The following RAD51B variants were observed in gnomAD, a reference collection of about 807,000 sequenced individuals.
RAD51B encodes DNA repair protein RAD51 homolog 2.
RAD51B carries 38 observed loss-of-function variants against 42.2 expected under a neutral mutation model. The ratio of observed to expected loss-of-function variants is 0.90; its 90% CI spans 0.70 to 1.18. The LOEUF is 1.18. Among genes scored for constraint, RAD51B ranks in the 50% most tolerant of loss-of-function variants. The pLI, the probability that RAD51B is intolerant of heterozygous loss-of-function variation, is 0.00. For synonymous variants in RAD51B, 154 were observed against 145.2 expected, an observed-to-expected ratio of 1.06 and a Z score of -0.43; for missense variants, 373 against 400.7, an observed-to-expected ratio of 0.93 and a Z score of 0.59.
intron 7 of RAD51B, among the ~76,000 whole-genome samples, chr14:68,188,491 G>A (rs1331418505): frequency 6.6e-6 from 1 of 151,904 alleles, no homozygotes; most frequent in Non-Finnish European, 1.5e-5. Context: ...AGAAGCAGTT[G>A]CTATAGGCAA....
intron 7 of RAD51B, among the ~76,000 whole-genome samples, chr14:67,947,109 A>G (rs1174817415): frequency 3.3e-5 from 5 of 152,184 alleles, no homozygotes; most frequent in Non-Finnish European, 7.4e-5. Flanking sequence ...TGTGCCCTGA[A>G]CTTAACACGT....
chr14:67,883,580 C>G (rs145422917), intron 5 of RAD51B, among the ~76,000 whole-genome samples: 3 of 152,094 alleles, frequency 2.0e-5, no homozygotes, highest in East Asian at 3.8e-4. Flanking sequence ...AGCTTTTGCT[C>G]AAATGTCACC....
At chr14:68,381,862 C>T (rs971441019) in intron 8 of RAD51B, among the ~76,000 whole-genome samples, 4 of 152,202 alleles carry the variant, frequency 2.6e-5, no homozygotes, top group African/African-American at 7.2e-5. Flanking sequence ...AGCTTCTGCT[C>T]AGTTTCTGTC....
rs117407085 is a variant in RAD51B, at chr14:67,905,791, T to G, written c.756+18587T>G. Among the ~76,000 whole-genome samples the G allele has an allele frequency of 2.6e-3, 402 of 152,272 alleles. 10 individuals are homozygous for G. In the East Asian group the frequency reaches 0.053, roughly 20 times the overall value. On this transcript the variant is annotated intron_variant, in intron 7 of 10. Transcript: ENST00000471583. ...TTTCTGAAACTTTGCTCAAGTCATT[T>G]ATCAGATCTAGGAACATTTGGGCAG...
chr14:68,232,871 C>T (rs987850738), intron 7 of RAD51B, among the ~76,000 whole-genome samples: 4 of 152,150 alleles, frequency 2.6e-5, no homozygotes, highest in Non-Finnish European at 4.4e-5. Context: ...TTTTCTTGTT[C>T]TGACTCATTC....
chr14:68,237,217 A>T (rs1224263179), intron 7 of RAD51B, among the ~76,000 whole-genome samples: 2 of 152,094 alleles, frequency 1.3e-5, no homozygotes, highest in Non-Finnish European at 2.9e-5. Flanking sequence ...TTCCCTCCTG[A>T]CTCTGGAAGA....
chr14:68,510,939 C>A (rs1386584716), intron 10 of RAD51B, among the ~76,000 whole-genome samples: 1 of 152,182 alleles, frequency 6.6e-6, no homozygotes, highest in Non-Finnish European at 1.5e-5. Context: ...TAGGGAAAAT[C>A]ATCAAACTGG....
intron 8 of RAD51B, among the ~76,000 whole-genome samples, chr14:68,368,144 A>G (rs565826419): frequency 6.6e-6 from 1 of 152,376 alleles, no homozygotes; most frequent in Admixed American, 6.5e-5. Context: ...CTAAAGCACC[A>G]GAAACCTAAT....
intron 9 of RAD51B, among the ~76,000 whole-genome samples, chr14:68,414,153 A>C (rs931309765): frequency 6.6e-6 from 1 of 152,136 alleles, no homozygotes; most frequent in Non-Finnish European, 1.5e-5. Flanking sequence ...TGTCTGAGGG[A>C]AGGAGTCCTC....
At chr14:68,269,602 T>G (rs1415849168) in intron 7 of RAD51B, among the ~76,000 whole-genome samples, 1 of 152,180 alleles carries the variant, frequency 6.6e-6, no homozygotes, top group African/African-American at 2.4e-5. Flanking sequence ...CTCACATCAC[T>G]CATCATATCT....
intron 7 of RAD51B, among the ~76,000 whole-genome samples, chr14:67,944,493 G>A (rs1023254225): frequency 6.6e-6 from 1 of 151,908 alleles, no homozygotes; most frequent in Non-Finnish European, 1.5e-5. Flanking sequence ...ATATCAATAT[G>A]ACTATAATGT....
At chr14:68,559,067 TATATATAAAA>T (rs1889009072) in intron 10 of RAD51B, among the ~76,000 whole-genome samples, 1 of 151,678 alleles carries the variant, frequency 6.6e-6, no homozygotes, top group Admixed American at 6.6e-5. Flanking sequence ...GTATTTGTAA[TATATATAAAA>T]ATACCTGTGA....
intron 7 of RAD51B, among the ~76,000 whole-genome samples, chr14:68,093,917 C>G (rs1022944555): frequency 6.6e-6 from 1 of 152,162 alleles, no homozygotes; most frequent in African/African-American, 2.4e-5. Context: ...GTCACTAAAT[C>G]CTGCCAGATT....
intron 7 of RAD51B, among the ~76,000 whole-genome samples, chr14:67,946,846 G>A (rs1050437195): frequency 1.2e-4 from 19 of 152,164 alleles, no homozygotes; most frequent in African/African-American, 4.1e-4. Flanking sequence ...TTCTCCTGAG[G>A]AACAGGATAG....
At chr14:68,475,628 G>T (rs1035157477) in intron 10 of RAD51B, among the ~76,000 whole-genome samples, 2 of 152,100 alleles carry the variant, frequency 1.3e-5, no homozygotes, top group Non-Finnish European at 2.9e-5. Context: ...GCATGAACTT[G>T]GGTCCAAAGT....
chr14:68,071,639 G>A (rs1380407073), intron 7 of RAD51B, among the ~76,000 whole-genome samples: 1 of 151,916 alleles, frequency 6.6e-6, no homozygotes, highest in African/African-American at 2.4e-5. Context: ...GCTTTTTGAG[G>A]GATGTGCTGC....
chr14:68,390,965 A>G lies in RAD51B; in HGVS notation c.854-20459A>G, dbSNP rs144690331. Among the ~76,000 whole-genome samples the G allele has an allele frequency of 2.8e-4, 43 of 152,346 alleles. 1 individual carries two copies. The East Asian group carries it at 8.3e-3, about 29-fold the overall frequency. On this transcript the variant is annotated intron_variant, in intron 8 of 10. Transcript: ENST00000471583. The stretch of plus-strand genomic sequence containing the variant: ...CCTGACAAGCTGAGAGTATTGATTC[A>G]TTCTTTCCCAACTTGGGATTGCAAT...
intron 7 of RAD51B, among the ~76,000 whole-genome samples, chr14:68,031,577 T>A (rs1397194984): frequency 6.6e-6 from 1 of 152,142 alleles, no homozygotes; most frequent in Non-Finnish European, 1.5e-5. Flanking sequence ...TTCAATTTGT[T>A]AAAATACCAG....
intron 10 of RAD51B, chr14:68,545,510 T>G (rs1245217851): frequency 2.2e-6 from 1 of 455,562 alleles, no homozygotes; most frequent in Non-Finnish European, 4.4e-6. Flanking sequence ...CTTTAATGCC[T>G]TAACTGTCTA....
Sources: allele counts gnomAD v4.1 joint callset (sites outside exome capture counted in the v4.1 genomes callset), GRCh38; gene constraint gnomAD v4.1.1; transcripts MANE v1.5; gene names NCBI Gene and HGNC (gene_info 2026-07-23, HGNC 2026-07-21).